The following RABGAP1L variants were observed in gnomAD, a reference collection of about 807,000 sequenced individuals.
RABGAP1L encodes rab GTPase-activating protein 1-like.
In RABGAP1L, 63 loss-of-function variants were observed where a neutral mutation model predicts 137.7. The ratio of observed to expected loss-of-function variants is 0.46; its 90% confidence interval spans 0.37 to 0.56. RABGAP1L has a LOEUF of 0.56. Ranked by LOEUF, RABGAP1L falls within the 20% of genes least tolerant of loss-of-function variation. The probability of loss-of-function intolerance (pLI) is 0.00; values close to 1 mark genes in which losing one functional copy is unlikely to be tolerated. For synonymous variants in RABGAP1L, 431 were observed against 433.7 expected (o/e 0.99, Z 0.08); for missense variants, 1,095 against 1,244.0 (o/e 0.88, Z 1.80).
intron 17 of RABGAP1L, among the ~76,000 whole-genome samples, chr1:174,724,061 T>C (rs1477785657): frequency 6.6e-6 from 1 of 152,268 alleles, no homozygotes; most frequent in East Asian, 1.9e-4. Flanking sequence ...CTAGCACTTG[T>C]GCTTTTTATC....
At chr1:174,742,563 CAA>C (rs912476229) in intron 17 of RABGAP1L, among the ~76,000 whole-genome samples, 9 of 152,094 alleles carry the variant, frequency 5.9e-5, no homozygotes, top group Non-Finnish European at 7.4e-5. Context: ...AGAACTCTAA[CAA>C]AAGATTTCTG....
At chr1:174,433,698 C>G (rs953814451) in intron 13 of RABGAP1L, among the ~76,000 whole-genome samples, 4 of 152,162 alleles carry the variant, frequency 2.6e-5, no homozygotes, top group African/African-American at 9.7e-5. Context: ...GCTGGATATA[C>G]TTACTCCATC....
At chr1:174,651,394 A>G (rs997113807) in intron 14 of RABGAP1L, among the ~76,000 whole-genome samples, 8 of 152,154 alleles carry the variant, frequency 5.3e-5, no homozygotes, top group Admixed American at 3.3e-4. Context: ...TATCCTTGTT[A>G]ACTTTCTGTC....
intron 13 of RABGAP1L, among the ~76,000 whole-genome samples, chr1:174,521,619 G>A (rs938023211): frequency 3.9e-5 from 6 of 152,188 alleles, no homozygotes; most frequent in Admixed American, 3.3e-4. Context: ...GTGGAGATAA[G>A]TAATAAAATT....
At chr1:174,496,308 C>G (rs1391065716) in intron 13 of RABGAP1L, among the ~76,000 whole-genome samples, 1 of 152,096 alleles carries the variant, frequency 6.6e-6, no homozygotes. Context: ...TATACCTTTT[C>G]AGGAGCTGAA....
chr1:174,425,902 T>C (rs1037926413), intron 13 of RABGAP1L, among the ~76,000 whole-genome samples: 8 of 152,172 alleles, frequency 5.3e-5, no homozygotes, highest in African/African-American at 1.4e-4. Context: ...AAATGTTAGT[T>C]GTAACTGCCA....
At chr1:174,403,245 GTGTATATA>G (rs1449723162) in intron 13 of RABGAP1L, among the ~76,000 whole-genome samples, 61 of 127,284 alleles carry the variant, frequency 4.8e-4, no homozygotes, top group African/African-American at 2.2e-3. Context: ...GTGTGTGTGT[GTGTATATA>G]TATGTGTATA....
chr1:174,915,517 C>T (rs1319514511), intron 19 of RABGAP1L, among the ~76,000 whole-genome samples: 1 of 152,138 alleles, frequency 6.6e-6, no homozygotes, highest in Non-Finnish European at 1.5e-5. Context: ...AATGCAGTGG[C>T]GTGATCTCAG....
intron 13 of RABGAP1L, among the ~76,000 whole-genome samples, chr1:174,622,836 C>T (rs1672635841): frequency 6.6e-6 from 1 of 152,174 alleles, no homozygotes; most frequent in Admixed American, 6.5e-5. Context: ...CACATGTACC[C>T]TAAAACTTAA....
intron 14 of RABGAP1L, among the ~76,000 whole-genome samples, chr1:174,671,136 G>A (rs556637561): frequency 6.6e-5 from 10 of 152,114 alleles, no homozygotes; most frequent in Admixed American, 2.0e-4. Context: ...ATAGTTCACC[G>A]TTAGTGCATA....
intron 10 of RABGAP1L, among the ~76,000 whole-genome samples, chr1:174,303,931 G>C (rs911173953): frequency 1.3e-5 from 2 of 152,090 alleles, no homozygotes; most frequent in Admixed American, 1.3e-4. Flanking sequence ...TAATGCACTG[G>C]ACAGGGCTTC....
intron 1 of RABGAP1L, among the ~76,000 whole-genome samples, chr1:174,206,080 C>T (rs1234379012): frequency 6.6e-6 from 1 of 152,094 alleles, no homozygotes; most frequent in Non-Finnish European, 1.5e-5. Flanking sequence ...CATGGCTGGT[C>T]ACTAGTCCAA....
chr1:174,618,493 C>G (rs947249191), intron 13 of RABGAP1L, among the ~76,000 whole-genome samples: 1 of 152,208 alleles, frequency 6.6e-6, no homozygotes, highest in African/African-American at 2.4e-5. Context: ...CCAATATCTG[C>G]TGTTCTGCAG....
intron 18 of RABGAP1L, among the ~76,000 whole-genome samples, chr1:174,797,635 GGGGGGGTGTGT>G (rs1558087744): frequency 7.6e-6 from 1 of 130,808 alleles, no homozygotes; most frequent in Non-Finnish European, 1.6e-5. Context: ...GTGGGTGTGT[GGGGGGGTGTGT>G]GGGGAGTGTG....
At chr1:174,618,638 C>G (rs1389477487) in intron 13 of RABGAP1L, among the ~76,000 whole-genome samples, 2 of 152,186 alleles carry the variant, frequency 1.3e-5, no homozygotes, top group Admixed American at 6.5e-5. Context: ...AAAACCCCAT[C>G]TATACGTCAC....
chr1:174,895,008 C>T (rs997962155), intron 19 of RABGAP1L, among the ~76,000 whole-genome samples: 6 of 152,136 alleles, frequency 3.9e-5, no homozygotes, highest in African/African-American at 9.7e-5. Context: ...CTGCCCACCT[C>T]GGCCTCTTAA....
intron 1 of RABGAP1L, among the ~76,000 whole-genome samples, chr1:174,202,337 C>A (rs906067324): frequency 4.6e-5 from 7 of 151,904 alleles, no homozygotes; most frequent in African/African-American, 1.2e-4. Context: ...TTTAATGATT[C>A]CCATTCTAAC....
At position 174,991,765 on chromosome 1, in the gene RABGAP1L, G is replaced by A. The variant is rs1052717604; in HGVS notation, c.*1764G>A. On this transcript the variant is annotated 3_prime_UTR_variant, in exon 26 of 26. Transcript: ENST00000681986. ...TTAACATTCTCTACATGGTGGTCTA[G>A]ATAAGCTAATTTTTTTTTTTTTTTT... 4 of 135,544 alleles carry A rather than the reference G, an allele frequency of 3.0e-5. No homozygotes were observed. The highest frequency in any genetic ancestry group is 6.1e-5 in the Non-Finnish European group (4 of 65,126). The allele number at this position is 135,544 out of a possible 1,614,324, so 8.4% of individuals were successfully genotyped here. A position where few individuals can be genotyped will look rare whatever the true frequency, so the allele number is the denominator to read the frequency against.
intron 13 of RABGAP1L, among the ~76,000 whole-genome samples, chr1:174,609,474 G>C (rs898817009): frequency 6.6e-6 from 1 of 152,082 alleles, no homozygotes; most frequent in Non-Finnish European, 1.5e-5. Context: ...ATTGATTAAA[G>C]GGGTAGAAGG....
Sources: allele counts gnomAD v4.1 joint callset (sites outside exome capture counted in the v4.1 genomes callset), GRCh38; gene constraint gnomAD v4.1.1; transcripts MANE v1.5; gene names NCBI Gene and HGNC (gene_info 2026-07-23, HGNC 2026-07-21).